Variants in FARP1 observed in about 807,000 individuals in gnomAD.
The protein encoded by FARP1 is FERM, ARH/RhoGEF and pleckstrin domain protein 1, also known as FERM, ARHGEF and pleckstrin domain-containing protein 1.
FARP1 carries 52 observed loss-of-function variants against 128.8 expected under a neutral mutation model. That is an observed-to-expected ratio of 0.40 (90% confidence interval 0.32 to 0.51). The LOEUF is 0.51. Among genes scored for constraint, FARP1 ranks in the 20% least tolerant of loss-of-function variants. The pLI is 0.45. For missense variants in FARP1, 1,333 were observed against 1,367.9 expected (o/e 0.97, Z 0.40); for synonymous variants, 580 against 551.8 (o/e 1.05, Z -0.72).
intron 19 of FARP1, chr13:98,436,231 G>A (rs1241015713): frequency 3.0e-5 from 6 of 197,114 alleles, no homozygotes; most frequent in South Asian, 8.0e-5. Flanking sequence ...TGACACTGTC[G>A]CCTACCCCTC....
chr13:98,148,704 G>C (rs1435823945), intron 1 of FARP1, among the ~76,000 whole-genome samples: 1 of 152,142 alleles, frequency 6.6e-6, no homozygotes, highest in Non-Finnish European at 1.5e-5. Context: ...CTTTGTTCTT[G>C]AATGGTAAGT....
Position 98,421,642 on chromosome 13 carries a change from G to C in FARP1, c.1827-2930G>C, listed in dbSNP as rs184003026. 2.0e-5 allele frequency among the ~76,000 whole-genome samples: 3 copies of C among 152,270 alleles called. No homozygotes were observed. In the East Asian group the frequency reaches 5.8e-4, roughly 29 times the overall value. ...AGAGACTGAGGCAGATGGATCGCTTGAGTCCAGGAATTCAAGGCCAGCTTT... is the reference window on the plus strand; with the variant it reads ...AGAGACTGAGGCAGATGGATCGCTTCAGTCCAGGAATTCAAGGCCAGCTTT... On this transcript the variant is annotated intron_variant, in intron 16 of 26. Coordinates refer to ENST00000319562, the MANE Select transcript of FARP1 (RefSeq NM_005766.4).
In FARP1 at chr13:98,316,301, C is replaced by T. The variant is rs566541268; in HGVS notation, c.172-27461C>T. 3.9e-5 allele frequency among the ~76,000 whole-genome samples: 6 copies of T among 152,258 alleles called. No homozygotes were observed. In the South Asian group the frequency reaches 1.2e-3, roughly 32 times the overall value. On this transcript the variant is annotated intron_variant, in intron 2 of 26. Transcript: ENST00000319562. ...CAAAACCCCTAGCCAACAGGGGGTTCCTGTTGGCAGTCAGGCACTGCTGGA... is the reference window on the plus strand; with the variant it reads ...CAAAACCCCTAGCCAACAGGGGGTTTCTGTTGGCAGTCAGGCACTGCTGGA...
At chr13:98,175,014 A>G (rs1339181720) in intron 1 of FARP1, among the ~76,000 whole-genome samples, 2 of 152,076 alleles carry the variant, frequency 1.3e-5, no homozygotes, top group African/African-American at 4.8e-5. Flanking sequence ...AATCACGTGG[A>G]AAGTTTTGCC....
At chr13:98,428,510 A>G (rs1891874369) in intron 17 of FARP1, among the ~76,000 whole-genome samples, 1 of 152,134 alleles carries the variant, frequency 6.6e-6, no homozygotes, top group Non-Finnish European at 1.5e-5. Flanking sequence ...TACTTATATG[A>G]TGGCTGGAGT....
At chr13:98,304,866 A>G (rs1317587252) in intron 2 of FARP1, among the ~76,000 whole-genome samples, 3 of 152,216 alleles carry the variant, frequency 2.0e-5, no homozygotes, top group Non-Finnish European at 4.4e-5. Flanking sequence ...CATGCTGTTC[A>G]TATCTTTCCA....
At chr13:98,443,416 C>T (rs545041286) in intron 24 of FARP1, among the ~76,000 whole-genome samples, 1 of 152,188 alleles carries the variant, frequency 6.6e-6, no homozygotes, top group Non-Finnish European at 1.5e-5. Flanking sequence ...GGCAGGCAGC[C>T]CTCATGTGCC....
At chr13:98,349,673 A>G (rs556372815) in intron 3 of FARP1, among the ~76,000 whole-genome samples, 1,494 of 38,012 alleles carry the variant, frequency 0.039, 29 homozygotes, top group African/African-American at 0.13. Flanking sequence ...CATCTCAGGG[A>G]AAAAAAAAAA....
chr13:98,304,747 A>G (rs1886067200), intron 2 of FARP1, among the ~76,000 whole-genome samples: 1 of 152,242 alleles, frequency 6.6e-6, no homozygotes, highest in African/African-American at 2.4e-5. Context: ...TATTTCTCAC[A>G]GCTCATGCCT....
chr13:98,448,422 A>T lies in FARP1; in HGVS notation c.*105A>T. 1.1e-6 allele frequency: 1 copy of T among 941,532 alleles called. No homozygotes were observed. The highest frequency in any genetic ancestry group is 1.7e-6 in the Non-Finnish European group (1 of 585,130). The allele number at this position is 941,532 out of a possible 1,614,324, so 58.3% of individuals were successfully genotyped here. A position where few individuals can be genotyped will look rare whatever the true frequency, so the allele number is the denominator to read the frequency against. On this transcript the variant is annotated 3_prime_UTR_variant, in exon 27 of 27. Coordinates refer to ENST00000319562, the MANE Select transcript of FARP1 (RefSeq NM_005766.4). ...AATTAACACCTGTCTGAAAATCAAA[A>T]ACATGGCTTCCCAGCAGCTCTCCTG...
chr13:98,191,575 C>A (rs1879228345), intron 1 of FARP1, among the ~76,000 whole-genome samples: 1 of 152,208 alleles, frequency 6.6e-6, no homozygotes, highest in South Asian at 2.1e-4. Flanking sequence ...TTCTGGGAGA[C>A]TATGCTTCTT....
intron 3 of FARP1, among the ~76,000 whole-genome samples, chr13:98,360,548 G>C (rs1321323201): frequency 6.6e-6 from 1 of 152,212 alleles, no homozygotes; most frequent in Non-Finnish European, 1.5e-5. Context: ...AGCCAGGGAT[G>C]GGGGCTCTAG....
intron 2 of FARP1, among the ~76,000 whole-genome samples, chr13:98,317,281 C>T (rs1273366327): frequency 6.6e-6 from 1 of 152,150 alleles, no homozygotes; most frequent in Non-Finnish European, 1.5e-5. Context: ...GATTTTAGAG[C>T]TGGGGTCTTG....
intron 16 of FARP1, among the ~76,000 whole-genome samples, chr13:98,418,161 C>T (rs1428707227): frequency 1.3e-5 from 2 of 152,228 alleles, no homozygotes; most frequent in Non-Finnish European, 2.9e-5. Flanking sequence ...GCAATCCTCC[C>T]ACCTCAGCTT....
intron 2 of FARP1, among the ~76,000 whole-genome samples, chr13:98,268,938 C>T (rs564499232): frequency 1.6e-3 from 241 of 151,430 alleles, no homozygotes; most frequent in African/African-American, 5.7e-3. Context: ...CGCCATATTC[C>T]CCAGGCTGGT....
intron 6 of FARP1, among the ~76,000 whole-genome samples, chr13:98,380,344 G>T (rs1238374568): frequency 2.6e-5 from 4 of 151,632 alleles, no homozygotes; most frequent in Middle Eastern, 3.4e-3. Flanking sequence ...CAGCTACTTG[G>T]GAGGCTGAGC....
At chr13:98,181,639 T>TG (rs1174717373) in intron 1 of FARP1, among the ~76,000 whole-genome samples, 11,069 of 61,534 alleles carry the variant, frequency 0.18, 744 homozygotes, top group African/African-American at 0.3. Flanking sequence ...TTTATTTATT[T>TG]ATTTGAGAGA....
intron 19 of FARP1, among the ~76,000 whole-genome samples, chr13:98,438,095 T>C (rs1043579663): frequency 5.9e-5 from 9 of 152,212 alleles, no homozygotes; most frequent in African/African-American, 2.2e-4. Context: ...CTACCACAAT[T>C]TAAAAATGAT....
chr13:98,386,844 G>A (rs1029801138), intron 8 of FARP1, among the ~76,000 whole-genome samples: 1 of 152,154 alleles, frequency 6.6e-6, no homozygotes, highest in Non-Finnish European at 1.5e-5. Context: ...TCATGCACCA[G>A]AAGTTTATGA....
Sources: allele counts gnomAD v4.1 joint callset (sites outside exome capture counted in the v4.1 genomes callset), GRCh38; gene constraint gnomAD v4.1.1; transcripts MANE v1.5; gene names NCBI Gene and HGNC (gene_info 2026-07-23, HGNC 2026-07-21).